The following SUPT3H variants were observed in gnomAD, a reference collection of about 807,000 sequenced individuals.
SUPT3H encodes SPT3 homolog, SAGA and STAGA complex component.
SUPT3H carries 44 observed loss-of-function variants against 44.3 expected under a neutral mutation model. The observed-to-expected ratio is 0.99, with a 90% CI of 0.78 to 1.28. The LOEUF (loss-of-function observed/expected upper bound fraction) is 1.28. Ranked by LOEUF, SUPT3H falls within the 50% of genes most tolerant of loss-of-function variation. The probability of loss-of-function intolerance (pLI) is 0.00; values close to 1 mark genes in which losing one functional copy is unlikely to be tolerated. For missense variants in SUPT3H, 380 were observed against 387.1 expected (o/e 0.98, Z 0.15); for synonymous variants, 124 against 125.6 (o/e 0.99, Z 0.09).
intron 2 of SUPT3H, among the ~76,000 whole-genome samples, chr6:45,152,919 C>T (rs939476176): frequency 3.3e-5 from 5 of 151,940 alleles, no homozygotes; most frequent in Non-Finnish European, 7.4e-5. Context: ...GCTTCTTTGC[C>T]CTCATCTATA....
chr6:45,293,517 C>CAA (rs141346507), intron 2 of SUPT3H, among the ~76,000 whole-genome samples: 14 of 147,768 alleles, frequency 9.5e-5, no homozygotes, highest in Non-Finnish European at 1.8e-4. Flanking sequence ...CTGAAACAAT[C>CAA]AAAAAAAAAA....
At chr6:45,266,213 G>C (rs1471260762) in intron 2 of SUPT3H, among the ~76,000 whole-genome samples, 1 of 151,852 alleles carries the variant, frequency 6.6e-6, no homozygotes, top group Non-Finnish European at 1.5e-5. Flanking sequence ...AATGGATTTA[G>C]CCGTTATTCC....
intron 10 of SUPT3H, among the ~76,000 whole-genome samples, chr6:44,863,514 C>T (rs973721904): frequency 6.6e-6 from 1 of 151,852 alleles, no homozygotes; most frequent in African/African-American, 2.4e-5. Context: ...TAATATATGA[C>T]CAAAAAGCAC....
chr6:45,329,198 T>C (rs1786958172), intron 2 of SUPT3H, among the ~76,000 whole-genome samples: 1 of 151,906 alleles, frequency 6.6e-6, no homozygotes, highest in Non-Finnish European at 1.5e-5. Context: ...AGGAAGCAAT[T>C]TTACAAAATA....
At chr6:44,877,825 A>C (rs1166272062) in intron 10 of SUPT3H, among the ~76,000 whole-genome samples, 5 of 152,112 alleles carry the variant, frequency 3.3e-5, no homozygotes, top group Non-Finnish European at 5.9e-5. Flanking sequence ...TCATATTTTT[A>C]GATGAATTGT....
intron 9 of SUPT3H, among the ~76,000 whole-genome samples, chr6:44,948,344 A>T (rs1452700368): frequency 2.6e-5 from 4 of 152,222 alleles, no homozygotes; most frequent in Non-Finnish European, 1.5e-5. Flanking sequence ...GGACTTCATG[A>T]CTGAAACACC....
intron 2 of SUPT3H, chr6:45,328,636 G>A: frequency 6.2e-7 from 1 of 1,609,932 alleles, no homozygotes; most frequent in East Asian, 2.2e-5. Context: ...CTAAAACAAG[G>A]TTTGGGTATG....
chr6:45,002,739 A>G (rs1056939368), intron 6 of SUPT3H, among the ~76,000 whole-genome samples: 14 of 152,136 alleles, frequency 9.2e-5, no homozygotes, highest in African/African-American at 3.4e-4. Context: ...ATCACAGTTC[A>G]TGATCCAAGC....
At chr6:45,017,319 TC>T (rs1300590808) in intron 4 of SUPT3H, among the ~76,000 whole-genome samples, 1 of 150,234 alleles carries the variant, frequency 6.7e-6, no homozygotes, top group Non-Finnish European at 1.5e-5. Context: ...GATGGTAGTT[TC>T]TTTTGCTGTG....
At chr6:45,048,732 T>C (rs867015303) in intron 3 of SUPT3H, among the ~76,000 whole-genome samples, 22 of 152,278 alleles carry the variant, frequency 1.4e-4, no homozygotes, top group Middle Eastern at 3.4e-3. Flanking sequence ...AGTTCTGTCA[T>C]TTTTGACAAC....
intron 2 of SUPT3H, among the ~76,000 whole-genome samples, chr6:45,110,214 GTC>G (rs1433926773): frequency 2.6e-5 from 4 of 152,166 alleles, no homozygotes; most frequent in Non-Finnish European, 5.9e-5. Context: ...GGGATGAAAT[GTC>G]TCACTTCAAC....
chr6:44,909,714 C>T (rs1187743245), intron 10 of SUPT3H, among the ~76,000 whole-genome samples: 2 of 152,126 alleles, frequency 1.3e-5, no homozygotes, highest in Non-Finnish European at 2.9e-5. Flanking sequence ...TGGACTTGTC[C>T]TCAAGGCCTG....
At chr6:45,176,222 C>T (rs1391836110) in intron 2 of SUPT3H, among the ~76,000 whole-genome samples, 3 of 151,684 alleles carry the variant, frequency 2.0e-5, no homozygotes, top group African/African-American at 7.3e-5. Context: ...GTGCGCGCAC[C>T]GTGCGCGAGC....
intron 2 of SUPT3H, among the ~76,000 whole-genome samples, chr6:45,187,460 A>C (rs1475148138): frequency 6.6e-6 from 1 of 151,190 alleles, no homozygotes; most frequent in Non-Finnish European, 1.5e-5. Context: ...CTCTTTCTTC[A>C]GGTTCCTTTC....
At chr6:44,900,324 T>C (rs1369252858) in intron 10 of SUPT3H, among the ~76,000 whole-genome samples, 2 of 152,218 alleles carry the variant, frequency 1.3e-5, no homozygotes, top group Non-Finnish European at 2.9e-5. Flanking sequence ...ACTGCCACCC[T>C]AATACTGCGC....
chr6:44,919,589 T>C (rs1178659413), intron 10 of SUPT3H, among the ~76,000 whole-genome samples: 2 of 152,120 alleles, frequency 1.3e-5, no homozygotes, highest in African/African-American at 4.8e-5. Flanking sequence ...ATTAAGTATA[T>C]GAGCATTGAA....
chr6:45,249,451 C>CAA lies in SUPT3H; in HGVS notation c.101+115748_101+115749dup, dbSNP rs563551913. ...TAAAGGAATACAAACAACAGACACACAAAAAAAAAAAGGGAAAGGAAGACA... is the reference window on the plus strand; with the variant it reads ...TAAAGGAATACAAACAACAGACACACAAAAAAAAAAAAAGGGAAAGGAAGACA... On this transcript the variant is annotated intron_variant, in intron 2 of 10. Coordinates refer to ENST00000371459, the MANE Select transcript of SUPT3H (RefSeq NM_003599.4). 3.9e-3 allele frequency among the ~76,000 whole-genome samples: 531 copies of CAA among 136,410 alleles called. 4 individuals carry two copies. The highest frequency in any genetic ancestry group is 0.015 in the Middle Eastern group (4 of 270). The allele number at this position is 136,410 out of a possible 152,430, so 89.5% of individuals were successfully genotyped here.
chr6:45,318,019 C>A (rs1367043654), intron 2 of SUPT3H, among the ~76,000 whole-genome samples: 1 of 152,048 alleles, frequency 6.6e-6, no homozygotes, highest in Non-Finnish European at 1.5e-5. Context: ...GGGAGGTTTT[C>A]AGGTGATGAG....
chr6:45,134,495 C>T (rs1803970877), intron 2 of SUPT3H, among the ~76,000 whole-genome samples: 1 of 152,154 alleles, frequency 6.6e-6, no homozygotes, highest in Non-Finnish European at 1.5e-5. Flanking sequence ...CTCATTCCAG[C>T]AGCAACTCAA....
Sources: allele counts gnomAD v4.1 joint callset (sites outside exome capture counted in the v4.1 genomes callset), GRCh38; gene constraint gnomAD v4.1.1; transcripts MANE v1.5; gene names NCBI Gene and HGNC (gene_info 2026-07-23, HGNC 2026-07-21).